The following DOCK8 variants were observed in gnomAD, a reference collection of about 807,000 sequenced individuals.
DOCK8 encodes dedicator of cytokinesis protein 8.
Under a neutral mutation model 245.6 loss-of-function variants are expected in DOCK8, and 141 were observed. That is an observed-to-expected ratio of 0.57 (90% confidence interval 0.50 to 0.66). DOCK8 has a LOEUF of 0.66. Among genes scored for constraint, DOCK8 ranks in the 30% least tolerant of loss-of-function variants. The pLI is 0.00. For synonymous variants in DOCK8, 1,168 were observed against 970.2 expected, an observed-to-expected ratio of 1.20 and a Z score of -3.79; for missense variants, 2,965 against 2,603.4, an observed-to-expected ratio of 1.14 and a Z score of -3.02.
At chr9:416,346 C>T (rs1005926087) in intron 29 of DOCK8, among the ~76,000 whole-genome samples, 3 of 152,210 alleles carry the variant, frequency 2.0e-5, no homozygotes, top group African/African-American at 7.2e-5. Context: ...TAAAAAGTTC[C>T]ATTTCAAGAG....
chr9:225,875 TGAG>T (rs1213070129), intron 1 of DOCK8, among the ~76,000 whole-genome samples: 1 of 152,136 alleles, frequency 6.6e-6, no homozygotes, highest in African/African-American at 2.4e-5. Context: ...AGCACATGAC[TGAG>T]GCAGGAGTAA....
chr9:404,006 A>C (rs1008541544), intron 26 of DOCK8, among the ~76,000 whole-genome samples: 1 of 134,688 alleles, frequency 7.4e-6, no homozygotes, highest in Non-Finnish European at 1.6e-5. Flanking sequence ...ATATATATAT[A>C]TATATAGTTT....
At chr9:266,439 C>T (rs1360543182) in intron 1 of DOCK8, among the ~76,000 whole-genome samples, 3 of 152,118 alleles carry the variant, frequency 2.0e-5, no homozygotes, top group African/African-American at 7.2e-5. Flanking sequence ...GAATCTTATG[C>T]TTTATTGAAC....
chr9:271,562 C>A lies in DOCK8; in HGVS notation c.54-65C>A, dbSNP rs1201261808. On this transcript the variant is annotated intron_variant, in intron 1 of 47. Coordinates refer to ENST00000432829, the MANE Select transcript of DOCK8 (RefSeq NM_203447.4). ...TTTTATAACATGATATCAAAGATTG[C>A]ATCTAAAATTGTGATGATTTCCTAA... 33 of 1,220,376 alleles carry A rather than the reference C, an allele frequency of 2.7e-5. No individual in the cohort carries two copies. The Admixed American group carries it at 6.4e-4, about 24-fold the overall frequency. 75.6% of individuals were successfully genotyped at this position (1,220,376 alleles called of 1,614,324 possible).
In DOCK8 at chr9:289,522, C is replaced by T. The variant is rs759147461; in HGVS notation, c.345C>T (p.Asp115=). 1 of 1,613,496 alleles carries T rather than the reference C, an allele frequency of 6.2e-7. No individual in the cohort carries two copies. The highest frequency in any genetic ancestry group is 8.5e-7 in the Non-Finnish European group (1 of 1,179,612). Reference sequence around the variant, plus strand: ...TCTACCTCATTAGGGTTGAACTGGACCCTCATGTCAGGGACTGTGTTCAGA... The same window carrying T: ...TCTACCTCATTAGGGTTGAACTGGATCCTCATGTCAGGGACTGTGTTCAGA... ...PSLPEEGVEL[D]PHVRDCVQTY... is the part of the protein sequence containing the mutation. The change falls in exon 4 of 48, where the codon GAC becomes GAT. Residue 115 remains aspartate, a synonymous_variant. Coordinates refer to ENST00000432829, the MANE Select transcript of DOCK8 (RefSeq NM_203447.4).
intron 33 of DOCK8, among the ~76,000 whole-genome samples, chr9:425,255 G>A (rs979143232): frequency 2.0e-4 from 30 of 152,050 alleles, no homozygotes; most frequent in Admixed American, 5.9e-4. Flanking sequence ...ATAAGGGGCC[G>A]GGCACAGTGG....
At chr9:420,718 A>T in intron 31 of DOCK8, 135 bp downstream of exon 31, 1 of 1,261,018 alleles carries the variant, frequency 7.9e-7, no homozygotes, top group Non-Finnish European at 1.2e-6. Context: ...TCCATAACCC[A>T]TTTGTAGGTA....
upstream of DOCK8, among the ~76,000 whole-genome samples, chr9:212,215 G>T (rs997745710): frequency 6.6e-6 from 1 of 152,176 alleles, no homozygotes; most frequent in Non-Finnish European, 1.5e-5. Context: ...TTATTTAGTT[G>T]TTTGTTCAAT....
chr9:323,768 C>G (rs981929470), intron 7 of DOCK8, among the ~76,000 whole-genome samples: 1 of 152,212 alleles, frequency 6.6e-6, no homozygotes, highest in Non-Finnish European at 1.5e-5. Flanking sequence ...AAGTAACTGT[C>G]TTTTTGTGAC....
chr9:368,127 G>A lies in DOCK8; in HGVS notation c.1789G>A (p.Ala597Thr). The A allele has an allele frequency of 1.2e-6, 2 of 1,613,898 alleles. No individual in the cohort carries two copies. The highest frequency in any genetic ancestry group is 1.7e-6 in the Non-Finnish European group (2 of 1,179,766). Residue 597 changes from alanine (A) to threonine (T), a missense_variant, in exon 15 of 48, where the codon GCG (alanine) becomes ACG (threonine). This residue lies in a region of DOCK8 where 2,825 missense variants were observed against 2,453.5 expected (regional missense o/e 1.15). Transcript: ENST00000432829. ...TATGTGTGGAGAAGATGCTAGCAAT[G>A]CGATGCCGGTAAGGAGGGAAACGAA... ...QFMCGEDASN[A>T]MPVIFGKSSG...
chr9:312,375 T>C (rs753955160), intron 6 of DOCK8: 16 of 694,762 alleles, frequency 2.3e-5, no homozygotes, highest in Non-Finnish European at 3.6e-5. Context: ...CTGATAATAA[T>C]AACAACTGGA....
At chr9:334,114 CT>C in intron 10 of DOCK8, 110 bp from the exon 11 acceptor site, 2 of 1,213,858 alleles carry the variant, frequency 1.6e-6, no homozygotes, top group South Asian at 1.3e-5. Flanking sequence ...TGTTTTTACT[CT>C]TTTTAATCAG....
chr9:286,731 T>C, intron 3 of DOCK8, 95 bp downstream of exon 3: 1 of 1,176,640 alleles, frequency 8.5e-7, no homozygotes, highest in South Asian at 1.3e-5. Flanking sequence ...AACTTAAAAA[T>C]AAAATAAAAT....
At chr9:348,786 GA>G (rs1369210649) in intron 14 of DOCK8, among the ~76,000 whole-genome samples, 1 of 152,152 alleles carries the variant, frequency 6.6e-6, no homozygotes, top group African/African-American at 2.4e-5. Flanking sequence ...ACAGCTTTGG[GA>G]AACTGTTTAG....
chr9:311,297 A>AG (rs1463450523), intron 5 of DOCK8, among the ~76,000 whole-genome samples: 1 of 151,690 alleles, frequency 6.6e-6, no homozygotes, highest in East Asian at 1.9e-4. Flanking sequence ...AAAAAAAAAA[A>AG]AAGGTAATCA....
At chr9:463,421 A>C in intron 46 of DOCK8, 96 bp from the exon 47 acceptor site, 7 of 1,501,244 alleles carry the variant, frequency 4.7e-6, no homozygotes, top group Non-Finnish European at 6.4e-6. Context: ...AAACGTTCTT[A>C]AAGTTATTCG....
intron 22 of DOCK8, among the ~76,000 whole-genome samples, chr9:384,126 A>C (rs1271380852): frequency 3.3e-5 from 5 of 152,120 alleles, no homozygotes; most frequent in African/African-American, 9.7e-5. Flanking sequence ...TTTGTTCTTC[A>C]TGACCTTGAC....
intron 28 of DOCK8, among the ~76,000 whole-genome samples, chr9:408,461 C>G (rs2055543535): frequency 1.3e-5 from 2 of 152,202 alleles, no homozygotes; most frequent in African/African-American, 4.8e-5. Flanking sequence ...CTTCTCTTCT[C>G]AACTCTAACT....
chr9:454,726 A>C (rs1394262138), intron 46 of DOCK8: 5 of 152,250 alleles, frequency 3.3e-5, no homozygotes, highest in African/African-American at 1.2e-4. Flanking sequence ...AGTTTGCCTC[A>C]ATTTTTTCTA....
Sources: gnomAD v4.1 joint callset for allele counts (sites outside exome capture counted in the v4.1 genomes callset) on GRCh38, gnomAD v4.1.1 for gene constraint, gnomAD v4.1.1 regional missense constraint, MANE v1.5 for transcripts, NCBI Gene and HGNC (gene_info 2026-07-23, HGNC 2026-07-21) for gene names.